The following CLNK variants were observed in gnomAD, a reference collection of about 807,000 sequenced individuals.
CLNK encodes the protein cytokine dependent hematopoietic cell linker.
Under a neutral mutation model 68.6 loss-of-function variants are expected in CLNK, and 74 were observed. The ratio of observed to expected loss-of-function variants is 1.08; its 90% CI spans 0.89 to 1.31. The LOEUF (loss-of-function observed/expected upper bound fraction) is 1.31, where lower values mean the gene tolerates loss of function less well. Among genes scored for constraint, CLNK ranks in the 50% most tolerant of loss-of-function variants. CLNK has a pLI of 0.00. For synonymous variants in CLNK, 198 were observed against 172.2 expected (o/e 1.15, Z -1.17); for missense variants, 553 against 515.3 (o/e 1.07, Z -0.71).
the CLNK span, among the ~76,000 whole-genome samples, chr4:10,705,989 G>T: frequency 1.2e-3 from 177 of 152,334 alleles, 1 homozygote; most frequent in South Asian, 4.6e-3. Flanking sequence ...TGACTCAAAG[G>T]TCTTCTGTTT....
At chr4:10,628,213 G>C (rs1331944110) in intron 2 of CLNK, among the ~76,000 whole-genome samples, 1 of 152,132 alleles carries the variant, frequency 6.6e-6, no homozygotes, top group Non-Finnish European at 1.5e-5. Flanking sequence ...ATATGGTCTG[G>C]TCTTTAATAA....
chr4:10,531,233 G>C (rs544366622), intron 12 of CLNK, among the ~76,000 whole-genome samples: 1 of 152,116 alleles, frequency 6.6e-6, no homozygotes, highest in Non-Finnish European at 1.5e-5. Context: ...CACTATCCTC[G>C]TAGGGAACTT....
chr4:10,668,140 T>C (rs1004879140), intron 1 of CLNK, among the ~76,000 whole-genome samples: 1 of 152,162 alleles, frequency 6.6e-6, no homozygotes, highest in Non-Finnish European at 1.5e-5. Context: ...TCATCCCATC[T>C]GCCCCCGGGA....
intron 2 of CLNK, among the ~76,000 whole-genome samples, chr4:10,655,515 A>G (rs1226209853): frequency 3.9e-5 from 6 of 152,148 alleles, no homozygotes; most frequent in Non-Finnish European, 5.9e-5. Context: ...TAATTAGGAC[A>G]TGTGCATTGA....
At chr4:10,502,127 C>T (rs936304271) in intron 17 of CLNK, among the ~76,000 whole-genome samples, 4 of 152,164 alleles carry the variant, frequency 2.6e-5, no homozygotes, top group African/African-American at 9.7e-5. Context: ...CCAGATTTTG[C>T]ATGATGTATT....
chr4:10,732,747 C>T, the CLNK span, among the ~76,000 whole-genome samples: 2 of 151,182 alleles, frequency 1.3e-5, no homozygotes, highest in African/African-American at 2.4e-5. Context: ...AAAGCCTTAT[C>T]TTTAAAATAA....
chr4:10,526,729 G>A (rs911237343), intron 13 of CLNK, among the ~76,000 whole-genome samples: 2 of 152,056 alleles, frequency 1.3e-5, no homozygotes, highest in African/African-American at 2.4e-5. Flanking sequence ...TTCCCCCCTC[G>A]ATCATCAAGT....
the CLNK span, among the ~76,000 whole-genome samples, chr4:10,700,613 C>A: frequency 6.6e-6 from 1 of 152,166 alleles, no homozygotes; most frequent in Non-Finnish European, 1.5e-5. Context: ...CTTAGTTATG[C>A]AGCTCAAATG....
intron 2 of CLNK, among the ~76,000 whole-genome samples, chr4:10,644,121 G>A (rs1369534264): frequency 6.6e-6 from 1 of 152,220 alleles, no homozygotes; most frequent in Non-Finnish European, 1.5e-5. Flanking sequence ...GCGGAGCCTC[G>A]TGGGAAGTAG....
At chr4:10,710,190 C>A in the CLNK span, among the ~76,000 whole-genome samples, 1 of 152,146 alleles carries the variant, frequency 6.6e-6, no homozygotes, top group Non-Finnish European at 1.5e-5. Context: ...GGGATCCTAA[C>A]TCAAGCAAGT....
intron 17 of CLNK, among the ~76,000 whole-genome samples, chr4:10,501,681 C>T (rs1717058883): frequency 6.6e-6 from 1 of 152,210 alleles, no homozygotes; most frequent in Non-Finnish European, 1.5e-5. Context: ...AATCCCAGCA[C>T]TTTGGGAGGC....
chr4:10,491,871 C>G (rs1385442158), intron 18 of CLNK, among the ~76,000 whole-genome samples: 3 of 151,992 alleles, frequency 2.0e-5, no homozygotes, highest in African/African-American at 7.3e-5. Flanking sequence ...ACCCATCACC[C>G]AGATAATATA....
the CLNK span, among the ~76,000 whole-genome samples, chr4:10,717,455 A>C: frequency 2.6e-5 from 4 of 152,268 alleles, no homozygotes; most frequent in East Asian, 7.7e-4. Context: ...AATCAGCCGG[A>C]TGTGGTTATG....
At chr4:10,595,676 G>C (rs1721356557) in intron 3 of CLNK, among the ~76,000 whole-genome samples, 1 of 152,072 alleles carries the variant, frequency 6.6e-6, no homozygotes, top group African/African-American at 2.4e-5. Flanking sequence ...GCAGTGATGG[G>C]GAGCACCAGG....
chr4:10,566,716 G>T (rs1560219519), intron 5 of CLNK, among the ~76,000 whole-genome samples: 1 of 152,134 alleles, frequency 6.6e-6, no homozygotes, highest in African/African-American at 2.4e-5. Context: ...AGGTGCGGTG[G>T]CTCATGCTTG....
At chr4:10,591,501 T>C (rs1201534197) in intron 3 of CLNK, among the ~76,000 whole-genome samples, 1 of 152,162 alleles carries the variant, frequency 6.6e-6, no homozygotes, top group African/African-American at 2.4e-5. Flanking sequence ...TGGTGCTGAA[T>C]GGGTAAGAGT....
At chr4:10,541,992 GAA>G in intron 10 of CLNK, 28 bp downstream of exon 10, 1 of 1,501,526 alleles carries the variant, frequency 6.7e-7, no homozygotes, top group Non-Finnish European at 9.1e-7. Flanking sequence ...ATTGTATAGC[GAA>G]AAAAAATGCT....
chr4:10,700,957 A>G, the CLNK span, among the ~76,000 whole-genome samples: 1 of 152,210 alleles, frequency 6.6e-6, no homozygotes, highest in Non-Finnish European at 1.5e-5. Context: ...TGCTTGAAAC[A>G]TTTCAGCAAA....
chr4:10,651,428 C>T (rs1723731445), intron 2 of CLNK, among the ~76,000 whole-genome samples: 1 of 152,160 alleles, frequency 6.6e-6, no homozygotes, highest in Non-Finnish European at 1.5e-5. Flanking sequence ...AACAAACATT[C>T]ACAGCAAACT....
Sources: allele counts gnomAD v4.1 joint callset (sites outside exome capture counted in the v4.1 genomes callset), GRCh38; gene constraint gnomAD v4.1.1; transcripts MANE v1.5; gene names NCBI Gene and HGNC (gene_info 2026-07-23, HGNC 2026-07-21).